Variants in TMEM255A observed in about 807,000 individuals in gnomAD.
TMEM255A encodes transmembrane protein 255A.
TMEM255A carries 14 observed loss-of-function variants against 23.5 expected under a neutral mutation model. The observed-to-expected ratio is 0.60, with a 90% CI of 0.39 to 0.93. The LOEUF (loss-of-function observed/expected upper bound fraction) is 0.93. TMEM255A is among the 40% of genes least tolerant of loss of function. The probability of loss-of-function intolerance (pLI) is 0.00; values close to 1 mark genes in which losing one functional copy is unlikely to be tolerated. For missense variants in TMEM255A, 233 were observed against 261.7 expected, an observed-to-expected ratio of 0.89 and a Z score of 0.76; for synonymous variants, 104 against 100.3, an observed-to-expected ratio of 1.04 and a Z score of -0.22.
chrX:120,260,335 C>T lies in TMEM255A; in HGVS notation c.*535G>A, dbSNP rs1237698921. 1.8e-5 allele frequency: 5 copies of T among 280,054 alleles called. No homozygotes were observed. The highest frequency in any genetic ancestry group is 8.7e-5 in the African/African-American group (3 of 34,403). 23.1% of individuals were successfully genotyped at this position (280,054 alleles called of 1,213,427 possible). On this transcript the variant is annotated 3_prime_UTR_variant, in exon 9 of 9. Transcript: ENST00000371369. ...ACAGAGAAGGAAGGAGTAAGAGATA[C>T]GGGCAGTCTTTTTCAACATCCAGAC...
chrX:120,282,241 C>T (rs5910816), intron 6 of TMEM255A, among the ~76,000 whole-genome samples: 30,138 of 110,647 alleles, frequency 0.27, 3,199 homozygotes, highest in East Asian at 0.58. Context: ...GTGGGACCCT[C>T]GCCTCTTCAG....
At chrX:120,296,464 G>A (rs1382001365) in intron 2 of TMEM255A, among the ~76,000 whole-genome samples, 2 of 73,493 alleles carry the variant, frequency 2.7e-5, no homozygotes, top group Non-Finnish European at 4.9e-5. Context: ...GTTTTCTGAC[G>A]TTCACTACTA....
intron 1 of TMEM255A, among the ~76,000 whole-genome samples, chrX:120,310,729 G>C (rs868996409): frequency 1.4e-3 from 24 of 16,613 alleles, no homozygotes; most frequent in Non-Finnish European, 2.1e-3. Flanking sequence ...TGCGCAACCC[G>C]CCCCCCCCCC....
At chrX:120,280,289 T>C (rs1487532089) in intron 6 of TMEM255A, among the ~76,000 whole-genome samples, 1 of 110,822 alleles carries the variant, frequency 9.0e-6, no homozygotes, top group African/African-American at 3.3e-5. Flanking sequence ...CCACTGTCCC[T>C]GGCCAGTATT....
chrX:120,310,449 C>T (rs1355960706), intron 1 of TMEM255A, among the ~76,000 whole-genome samples: 1 of 111,638 alleles, frequency 9.0e-6, no homozygotes, highest in Non-Finnish European at 1.9e-5. Context: ...GTGCCCCTCC[C>T]CCTCCATTCC....
At chrX:120,296,379 C>T (rs369196042) in intron 2 of TMEM255A, among the ~76,000 whole-genome samples, 1 of 35,688 alleles carries the variant, frequency 2.8e-5, no homozygotes, top group East Asian at 9.4e-4. Flanking sequence ...CTCCCCTTCT[C>T]CTCTATTCTA....
At chrX:120,283,011 G>A (rs1556021159) in intron 6 of TMEM255A, among the ~76,000 whole-genome samples, 2 of 110,655 alleles carry the variant, frequency 1.8e-5, no homozygotes, top group Non-Finnish European at 3.8e-5. Context: ...AATGGAGAAG[G>A]ATGGCAGGAG....
At chrX:120,285,966 G>T in intron 5 of TMEM255A, 1 of 1,112,172 alleles carries the variant, frequency 9.0e-7, no homozygotes, top group Non-Finnish European at 1.2e-6. Flanking sequence ...GTCTTGCTTT[G>T]TTATAGAGAA....
chrX:120,281,219 C>T (rs1230335195), intron 6 of TMEM255A, among the ~76,000 whole-genome samples: 1 of 111,917 alleles, frequency 8.9e-6, no homozygotes, highest in African/African-American at 3.3e-5. Context: ...CATTAAAGGT[C>T]GTCAATAAAT....
intron 8 of TMEM255A, among the ~76,000 whole-genome samples, chrX:120,266,462 G>A (rs1259589544): frequency 9.0e-6 from 1 of 111,000 alleles, no homozygotes; most frequent in African/African-American, 3.3e-5. Context: ...AACAATCCAA[G>A]TCACCGTTGG....
intron 2 of TMEM255A, among the ~76,000 whole-genome samples, chrX:120,298,652 C>T (rs962926600): frequency 2.7e-5 from 3 of 110,953 alleles, no homozygotes; most frequent in Admixed American, 9.7e-5. Flanking sequence ...AATTCTGAAT[C>T]CCATCTGACC....
At chrX:120,295,395 G>C (rs1212764365) in intron 2 of TMEM255A, among the ~76,000 whole-genome samples, 1 of 110,539 alleles carries the variant, frequency 9.0e-6, no homozygotes, top group Non-Finnish European at 1.9e-5. Context: ...TAGGGGGACT[G>C]GGTGGCTGTC....
intron 1 of TMEM255A, among the ~76,000 whole-genome samples, chrX:120,309,143 A>T (rs2058082643): frequency 3.6e-5 from 4 of 112,464 alleles, no homozygotes; most frequent in African/African-American, 1.3e-4. Context: ...AACTCCGGGG[A>T]GACTCCCCTG....
chrX:120,254,042 G>A, downstream of TMEM255A: 2 of 1,210,071 alleles, frequency 1.7e-6, no homozygotes, highest in Admixed American at 2.2e-5. Context: ...AGACTTTGCC[G>A]AGTAATAACA....
intron 8 of TMEM255A, among the ~76,000 whole-genome samples, chrX:120,264,233 G>A (rs2147178724): frequency 9.0e-6 from 1 of 111,660 alleles, no homozygotes; most frequent in Non-Finnish European, 1.9e-5. Context: ...ACAGATTTTG[G>A]ACTACTTGGC....
chrX:120,285,925 C>A lies in TMEM255A; in HGVS notation c.424-710G>T. ...CAAGAAATTGTCCAGCTCTCTCCCC[C>A]ATCCAGATGCAATGAAGTGCTGCTA... On this transcript the variant is annotated intron_variant, in intron 5 of 8. Coordinates refer to ENST00000371369, the MANE Select transcript of TMEM255A (RefSeq NM_001104544.3). The A allele has an allele frequency of 3.4e-6, 4 of 1,168,068 alleles. No homozygotes were observed. The South Asian group carries it at 5.5e-5, about 16-fold the overall frequency.
chrX:120,281,661 G>A (rs978850620), intron 6 of TMEM255A, among the ~76,000 whole-genome samples: 1 of 112,737 alleles, frequency 8.9e-6, no homozygotes, highest in African/African-American at 3.2e-5. Flanking sequence ...AAAGTTTGTC[G>A]AAGAAAAGAG....
chrX:120,306,524 A>C (rs2074561805), intron 1 of TMEM255A, among the ~76,000 whole-genome samples: 2 of 111,443 alleles, frequency 1.8e-5, no homozygotes, highest in Non-Finnish European at 3.8e-5. Context: ...TTTGTCACTC[A>C]CACAATCTCT....
At chrX:120,279,989 C>T (rs1407141059) in intron 6 of TMEM255A, among the ~76,000 whole-genome samples, 5 of 81,648 alleles carry the variant, frequency 6.1e-5, no homozygotes, top group African/African-American at 2.3e-4. Context: ...CTTTTCTTTC[C>T]TTTTCTTTCT....
Sources: allele counts gnomAD v4.1 joint callset (sites outside exome capture counted in the v4.1 genomes callset), GRCh38; gene constraint gnomAD v4.1.1; transcripts MANE v1.5; gene names NCBI Gene and HGNC (gene_info 2026-07-23, HGNC 2026-07-21).